The following MEMO1 variants were observed in gnomAD, a reference collection of about 807,000 sequenced individuals.
MEMO1 encodes the protein protein MEMO1.
Under a neutral mutation model 45.2 loss-of-function variants are expected in MEMO1, and 6 were observed. That is an observed-to-expected ratio of 0.13 (90% CI 0.07 to 0.26). The LOEUF (loss-of-function observed/expected upper bound fraction) is 0.26. Ranked by LOEUF, MEMO1 falls within the 10% of genes least tolerant of loss-of-function variation. The pLI is 1.00. For synonymous variants in MEMO1, 78 were observed against 124.3 expected, an observed-to-expected ratio of 0.63 and a Z score of 2.48; for missense variants, 184 against 370.5, an observed-to-expected ratio of 0.50 and a Z score of 4.13.
chr2:31,923,422 C>T (rs1036856605), intron 4 of MEMO1: 2 of 372,182 alleles, frequency 5.4e-6, no homozygotes, highest in Non-Finnish European at 9.5e-6. Context: ...TTCTTGTCAT[C>T]ACCTCTATCA....
chr2:31,996,879 A>T (rs1033363575), intron 2 of MEMO1, among the ~76,000 whole-genome samples: 2 of 152,086 alleles, frequency 1.3e-5, no homozygotes, highest in African/African-American at 2.4e-5. Flanking sequence ...TACAGGCATG[A>T]ACTACTATGC....
intron 2 of MEMO1, among the ~76,000 whole-genome samples, chr2:31,993,442 A>T (rs1672182845): frequency 6.6e-6 from 1 of 152,218 alleles, no homozygotes; most frequent in Non-Finnish European, 1.5e-5. Context: ...ATTCTGCCAG[A>T]AGACAACTTA....
At chr2:31,987,984 A>C (rs1005894432) in intron 2 of MEMO1, among the ~76,000 whole-genome samples, 1 of 152,158 alleles carries the variant, frequency 6.6e-6, no homozygotes, top group Non-Finnish European at 1.5e-5. Context: ...CACTGTAATT[A>C]ATGGAAGGAG....
chr2:31,922,779 A>G (rs1410195962), intron 4 of MEMO1, among the ~76,000 whole-genome samples: 3 of 151,898 alleles, frequency 2.0e-5, no homozygotes, highest in Non-Finnish European at 4.4e-5. Flanking sequence ...CTCTAGCTCA[A>G]TGTTGCTGCA....
chr2:32,000,771 T>G (rs1673201120), intron 2 of MEMO1, among the ~76,000 whole-genome samples: 1 of 151,436 alleles, frequency 6.6e-6, no homozygotes, highest in Non-Finnish European at 1.5e-5. Context: ...AGCACTTTCC[T>G]CTATCTAGCA....
chr2:31,963,778 A>G (rs1248111384), intron 2 of MEMO1, among the ~76,000 whole-genome samples: 2 of 152,174 alleles, frequency 1.3e-5, no homozygotes, highest in Admixed American at 1.3e-4. Flanking sequence ...AAAAAGCCTG[A>G]CTGATCAGTT....
chr2:31,893,942 T>C (rs1677336280), intron 6 of MEMO1, among the ~76,000 whole-genome samples: 1 of 152,136 alleles, frequency 6.6e-6, no homozygotes, highest in Non-Finnish European at 1.5e-5. Flanking sequence ...TCATCTCTCT[T>C]TTAAAAAATT....
At chr2:31,940,268 T>G (rs1169921792) in intron 3 of MEMO1, among the ~76,000 whole-genome samples, 2 of 152,228 alleles carry the variant, frequency 1.3e-5, no homozygotes, top group Non-Finnish European at 1.5e-5. Flanking sequence ...TATATACTAA[T>G]AAAGCCTTTA....
At chr2:31,901,779 T>C (rs1243830460) in intron 6 of MEMO1, among the ~76,000 whole-genome samples, 1 of 151,572 alleles carries the variant, frequency 6.6e-6, no homozygotes, top group Non-Finnish European at 1.5e-5. Flanking sequence ...CGTGGTGGCG[T>C]GCACCTGTAA....
Position 31,920,782 on chromosome 2 carries a change from A to G in MEMO1, c.325+16T>C, listed in dbSNP as rs1682207784. The G allele has an allele frequency of 1.8e-5, 26 of 1,416,766 alleles. No homozygotes were observed. Among genetic ancestry groups the G allele is most frequent in the Non-Finnish European group, 2.5e-5 (26 of 1,048,988 alleles). The allele number at this position is 1,416,766 out of a possible 1,614,324, so 87.8% of individuals were successfully genotyped here. On this transcript the variant is annotated intron_variant, in intron 5 of 9. Coordinates refer to ENST00000404530, the MANE Select transcript of MEMO1 (RefSeq NM_001301833.4). The stretch of plus-strand genomic sequence containing the variant: ...ACATTAGCTATTTGAAAGCTATAAT[A>G]TTTCTATATACTTACTCTTTTGGTC...
At chr2:31,868,526 T>C (rs531273002) in intron 9 of MEMO1, 34 bp from the exon 10 acceptor site, 2 of 1,553,994 alleles carry the variant, frequency 1.3e-6, no homozygotes, top group African/African-American at 1.4e-5. Context: ...AGGACACACA[T>C]CACATAAAAA....
intron 7 of MEMO1, among the ~76,000 whole-genome samples, chr2:31,888,297 G>A (rs1244386839): frequency 3.3e-5 from 5 of 151,850 alleles, no homozygotes; most frequent in African/African-American, 1.2e-4. Context: ...TACCATACCC[G>A]GTTCATAACT....
In MEMO1 at chr2:31,948,105, T is replaced by C. The variant is rs115511851; in HGVS notation, c.62-4722A>G. On this transcript the variant is annotated intron_variant, in intron 2 of 9. Coordinates refer to ENST00000404530, the MANE Select transcript of MEMO1 (RefSeq NM_001301833.4). ...AGGTGATAGCAATGTTGCTGGCCTA[T>C]AGGCTATACTCCAGCAACCTGTCTA... 9.3e-3 allele frequency among the ~76,000 whole-genome samples: 1,424 copies of C among 152,316 alleles called. 22 individuals carry two copies. Among genetic ancestry groups the C allele is most frequent in the African/African-American group, 0.032 (1,325 of 41,548 alleles).
intron 6 of MEMO1, among the ~76,000 whole-genome samples, chr2:31,908,318 C>T (rs1303661258): frequency 2.6e-5 from 4 of 152,076 alleles, no homozygotes; most frequent in African/African-American, 2.4e-5. Context: ...TAAACAGGTG[C>T]TAGTTAAGAT....
chr2:31,886,296 T>C (rs1485775118), intron 7 of MEMO1, among the ~76,000 whole-genome samples: 4 of 152,218 alleles, frequency 2.6e-5, no homozygotes, highest in East Asian at 1.9e-4. Context: ...TTAAAAATTA[T>C]ACAAATATTT....
chr2:32,005,708 A>G (rs912494960), intron 2 of MEMO1, among the ~76,000 whole-genome samples: 2 of 152,194 alleles, frequency 1.3e-5, no homozygotes, highest in Non-Finnish European at 2.9e-5. Flanking sequence ...ATCCCTGTCC[A>G]TATATGCTAC....
At chr2:31,958,542 T>C (rs7559329) in intron 2 of MEMO1, among the ~76,000 whole-genome samples, 25,842 of 151,922 alleles carry the variant, frequency 0.17, 2,396 homozygotes, top group African/African-American at 0.23. Context: ...TAAGAACCTC[T>C]TCCTGCTCTT....
chr2:31,946,022 C>T (rs76258013), intron 2 of MEMO1, among the ~76,000 whole-genome samples: 1,615 of 152,254 alleles, frequency 0.011, 22 homozygotes, highest in African/African-American at 0.037. Context: ...TTGTGATACA[C>T]GTGTCATTCT....
chr2:31,899,069 A>G (rs1393471446), intron 6 of MEMO1, among the ~76,000 whole-genome samples: 3 of 152,242 alleles, frequency 2.0e-5, no homozygotes, highest in African/African-American at 7.2e-5. Context: ...TCCCACGCTC[A>G]TGGATAGGAA....
Sources: allele counts gnomAD v4.1 joint callset (sites outside exome capture counted in the v4.1 genomes callset), GRCh38; gene constraint gnomAD v4.1.1; transcripts MANE v1.5; gene names NCBI Gene and HGNC (gene_info 2026-07-23, HGNC 2026-07-21).